The following KLHDC2 variants were observed in gnomAD, a reference collection of about 807,000 sequenced individuals.
KLHDC2 encodes the protein kelch domain containing 2.
In KLHDC2, 38 loss-of-function variants were observed where a neutral mutation model predicts 62.3. The ratio of observed to expected loss-of-function variants is 0.61; its 90% CI spans 0.47 to 0.80. KLHDC2 has a LOEUF of 0.80. KLHDC2 is among the 30% of genes least tolerant of loss of function. The pLI, the probability that KLHDC2 is intolerant of heterozygous loss-of-function variation, is 0.00. For synonymous variants in KLHDC2, 159 were observed against 161.0 expected, an observed-to-expected ratio of 0.99 and a Z score of 0.09; for missense variants, 430 against 495.3, an observed-to-expected ratio of 0.87 and a Z score of 1.25.
chr14:49,779,070 T>C (rs918706868), intron 6 of KLHDC2, among the ~76,000 whole-genome samples: 7 of 152,278 alleles, frequency 4.6e-5, no homozygotes, highest in African/African-American at 1.7e-4. Context: ...TTTGGAATAT[T>C]TGCATTATAT....
At chr14:49,782,678 ATTAT>A in intron 12 of KLHDC2, 84 bp downstream of exon 12, 3 of 1,368,308 alleles carry the variant, frequency 2.2e-6, no homozygotes, top group Middle Eastern at 2.5e-4. Context: ...AGGTTTATGG[ATTAT>A]TTAAGGGCAA....
At chr14:49,768,822 A>C in intron 1 of KLHDC2, 1 of 535,320 alleles carries the variant, frequency 1.9e-6, no homozygotes, top group South Asian at 2.4e-5. Context: ...CCCGTCTCGA[A>C]CCTCCAGGGC....
intron 1 of KLHDC2, 80 bp downstream of exon 1, chr14:49,768,701 A>G (rs1594696520): frequency 7.4e-7 from 1 of 1,353,820 alleles, no homozygotes; most frequent in Non-Finnish European, 9.6e-7. Context: ...GGGAGGCCAG[A>G]GCGGGCCGCC....
In KLHDC2 at chr14:49,784,490, G is replaced by T. The variant is rs916167472; in HGVS notation, c.*1537G>T. ...TCTATATAAAACTGGGAAAAAACAA[G>T]AAGTAAGTCCTTTTGGTGAATATAG... On this transcript the variant is annotated 3_prime_UTR_variant, in exon 13 of 13. Coordinates refer to ENST00000298307, the MANE Select transcript of KLHDC2 (RefSeq NM_014315.3). 6.0e-5 allele frequency: 36 copies of T among 598,642 alleles called. No individual in the cohort carries two copies. The South Asian group carries it at 8.3e-4, about 14-fold the overall frequency. 37.1% of individuals were successfully genotyped at this position (598,642 alleles called of 1,614,324 possible).
chr14:49,785,048 C>T lies in KLHDC2; in HGVS notation c.*2095C>T, dbSNP rs376996065. 1 of 1,607,160 alleles carries T rather than the reference C, an allele frequency of 6.2e-7. No homozygotes were observed. Among genetic ancestry groups the T allele is most frequent in the Admixed American group, 1.7e-5 (1 of 59,912 alleles). On this transcript the variant is annotated 3_prime_UTR_variant, in exon 13 of 13. Transcript: ENST00000298307. ...GTAAGAATAATCTACTGTTAAGTCA[C>T]TGAACTGTTTAAAATCATAATTCAA...
At chr14:49,772,955 C>CA (rs1323618711) in intron 2 of KLHDC2, among the ~76,000 whole-genome samples, 3 of 151,708 alleles carry the variant, frequency 2.0e-5, no homozygotes, top group African/African-American at 7.3e-5. Flanking sequence ...GACTCCCTCT[C>CA]AAAAAACAAA....
chr14:49,768,426 C>T lies in KLHDC2; in HGVS notation c.-43C>T, dbSNP rs770387799. ...CTTTTCCTTTGTTTTTTTGGCCCCT[C>T]GCGGGTGTGGGCATTGTTGGTTAGC... On this transcript the variant is annotated 5_prime_UTR_variant, in exon 1 of 13. Transcript: ENST00000298307. 27 of 1,587,428 alleles carry T rather than the reference C, an allele frequency of 1.7e-5. No homozygotes were observed. Among genetic ancestry groups the T allele is most frequent in the South Asian group, 3.4e-5 (3 of 87,824 alleles).
At chr14:49,775,308 TTA>T (rs1209679049) in intron 3 of KLHDC2, among the ~76,000 whole-genome samples, 2 of 152,182 alleles carry the variant, frequency 1.3e-5, no homozygotes, top group Non-Finnish European at 2.9e-5. Context: ...AGTAAGCACT[TTA>T]TGTGCTGAGC....
chr14:49,768,423 C>T lies in KLHDC2; in HGVS notation c.-46C>T, dbSNP rs762116506. 8 of 1,583,118 alleles carry T rather than the reference C, an allele frequency of 5.1e-6. No homozygotes were observed. Among genetic ancestry groups the T allele is most frequent in the Non-Finnish European group, 6.9e-6 (8 of 1,166,272 alleles). On this transcript the variant is annotated 5_prime_UTR_variant, in exon 1 of 13. Transcript: ENST00000298307. ...CTCCTTTTCCTTTGTTTTTTTGGCC[C>T]CTCGCGGGTGTGGGCATTGTTGGTT...
intron 5 of KLHDC2, 25 bp from the exon 6 acceptor site, chr14:49,778,386 T>C: frequency 7.0e-7 from 1 of 1,422,736 alleles, no homozygotes. Flanking sequence ...ATTTCTAAAA[T>C]AACGCGGATT....
At chr14:49,774,370 T>C (rs908258774) in intron 2 of KLHDC2, among the ~76,000 whole-genome samples, 191 bp from the exon 3 acceptor site, 16 of 152,238 alleles carry the variant, frequency 1.1e-4, no homozygotes, top group Non-Finnish European at 1.8e-4. Context: ...GCACTGTTTG[T>C]GGAATGGGTA....
In KLHDC2 at chr14:49,774,561, G is replaced by GA. The variant is rs1266118796; in HGVS notation, c.241dup (p.Ile81AsnfsTer4). On this transcript the variant is annotated frameshift_variant and splice_region_variant, in exon 3 of 13. Transcript: ENST00000298307. LOFTEE classifies it high-confidence loss of function. Reference sequence around the variant, plus strand: ...ATACATTTAATTTATTCCCCCTCAGGAAAAAAATCAACACTGAAGGTGATG... The same window carrying GA: ...ATACATTTAATTTATTCCCCCTCAGGAAAAAAAATCAACACTGAAGGTGATG... The GA allele has an allele frequency of 1.9e-6, 3 of 1,599,170 alleles. No individual in the cohort carries two copies. Among genetic ancestry groups the GA allele is most frequent in the Non-Finnish European group, 2.6e-6 (3 of 1,166,808 alleles).
At position 49,785,457 on chromosome 14, in the gene KLHDC2, C is replaced by G. The variant is rs1167145311; in HGVS notation, c.*2504C>G. ...TACCATCTAAGCTGGAACAGTGGTA[C>G]TTAAACTCTGCTTCATAGTTCCAAA... On this transcript the variant is annotated 3_prime_UTR_variant, in exon 13 of 13. Coordinates refer to ENST00000298307, the MANE Select transcript of KLHDC2 (RefSeq NM_014315.3). 1 of 640,892 alleles carries G rather than the reference C, an allele frequency of 1.6e-6. No individual in the cohort carries two copies. Among genetic ancestry groups the G allele is most frequent in the Admixed American group, 2.6e-5 (1 of 38,892 alleles). 39.7% of individuals were successfully genotyped at this position (640,892 alleles called of 1,614,324 possible).
In KLHDC2 at chr14:49,784,592, C is replaced by G; in HGVS notation, c.*1639C>G. The G allele has an allele frequency of 7.4e-7, 1 of 1,351,764 alleles. No individual in the cohort carries two copies. Among genetic ancestry groups the G allele is most frequent in the East Asian group, 2.3e-5 (1 of 43,450 alleles). The allele number at this position is 1,351,764 out of a possible 1,614,324, so 83.7% of individuals were successfully genotyped here. A position where few individuals can be genotyped will look rare whatever the true frequency, so the allele number is the denominator to read the frequency against. On this transcript the variant is annotated 3_prime_UTR_variant, in exon 13 of 13. Coordinates refer to ENST00000298307, the MANE Select transcript of KLHDC2 (RefSeq NM_014315.3). ...CTTTCATCTTTGAACTTCCAAAAGG[C>G]TATAAAATTGGCTCTTCTCAAATAT...
At chr14:49,776,506 T>G (rs770367151) in intron 3 of KLHDC2, among the ~76,000 whole-genome samples, 1 of 152,240 alleles carries the variant, frequency 6.6e-6, no homozygotes. Flanking sequence ...AAAGATTAAG[T>G]CAATTAACTC....
intron 9 of KLHDC2, 176 bp downstream of exon 9, chr14:49,780,498 T>C: frequency 1.6e-6 from 1 of 637,104 alleles, no homozygotes; most frequent in South Asian, 1.9e-5. Flanking sequence ...TTCTGTTCAA[T>C]AAAGAACCTG....
intron 1 of KLHDC2, among the ~76,000 whole-genome samples, chr14:49,771,093 A>C (rs1488673066): frequency 6.6e-6 from 1 of 152,194 alleles, no homozygotes; most frequent in Non-Finnish European, 1.5e-5. Flanking sequence ...CACAGCCTGT[A>C]ATCCCAGCAC....
chr14:49,773,087 T>C (rs753902204), intron 2 of KLHDC2, among the ~76,000 whole-genome samples: 1 of 152,166 alleles, frequency 6.6e-6, no homozygotes, highest in Non-Finnish European at 1.5e-5. Flanking sequence ...AATTGTATTC[T>C]CTTAAAAGCA....
chr14:49,779,919 T>TA (rs2139800295), intron 8 of KLHDC2, 113 bp downstream of exon 8: 2 of 745,110 alleles, frequency 2.7e-6, no homozygotes, highest in East Asian at 5.3e-5. Flanking sequence ...TGAAATTAAA[T>TA]AAACATAATT....
Sources: allele counts gnomAD v4.1 joint callset (sites outside exome capture counted in the v4.1 genomes callset), GRCh38; gene constraint gnomAD v4.1.1; transcripts MANE v1.5; gene names NCBI Gene and HGNC (gene_info 2026-07-23, HGNC 2026-07-21).